PLEKHM3: variants seen among roughly 807,000 people sequenced by gnomAD.
PLEKHM3 encodes the protein pleckstrin homology domain containing M3.
PLEKHM3 carries 45 observed loss-of-function variants against 81.8 expected under a neutral mutation model. The observed-to-expected ratio is 0.55, with a 90% CI of 0.43 to 0.71. The LOEUF (loss-of-function observed/expected upper bound fraction) is 0.71. PLEKHM3 is among the 30% of genes least tolerant of loss of function. PLEKHM3 has a pLI of 0.00. For missense variants in PLEKHM3, 788 were observed against 924.3 expected (o/e 0.85, Z 1.91); for synonymous variants, 352 against 356.4 (o/e 0.99, Z 0.14).
At chr2:207,868,076 A>G (rs1439336574) in intron 6 of PLEKHM3, among the ~76,000 whole-genome samples, 1 of 152,186 alleles carries the variant, frequency 6.6e-6, no homozygotes, top group Non-Finnish European at 1.5e-5. Context: ...GAACTCTGCT[A>G]TGTCAACCCT....
intron 3 of PLEKHM3, among the ~76,000 whole-genome samples, chr2:207,968,355 G>A (rs759918850): frequency 2.0e-5 from 3 of 152,022 alleles, no homozygotes; most frequent in Non-Finnish European, 4.4e-5. Context: ...TAAATTCTGT[G>A]GGAACTAACG....
chr2:207,868,777 CAT>C (rs1456071400), intron 6 of PLEKHM3: 5 of 152,006 alleles, frequency 3.3e-5, no homozygotes, highest in Non-Finnish European at 5.9e-5. Context: ...ATGAAGGCCA[CAT>C]GTCATTTTTT....
intron 2 of PLEKHM3, among the ~76,000 whole-genome samples, chr2:207,994,195 C>T (rs1326988775): frequency 1.3e-5 from 2 of 152,164 alleles, no homozygotes; most frequent in East Asian, 1.9e-4. Context: ...TCCATATAGC[C>T]TATGTATCTA....
chr2:207,836,314 A>ACTCT (rs4024192), intron 7 of PLEKHM3, among the ~76,000 whole-genome samples: 95,163 of 143,258 alleles, frequency 0.66, 32,325 homozygotes, highest in African/African-American at 0.77. Context: ...ACAGAGAGAG[A>ACTCT]GTCTAAAAAA....
intron 5 of PLEKHM3, among the ~76,000 whole-genome samples, chr2:207,926,872 C>T (rs576189595): frequency 1.1e-4 from 17 of 152,336 alleles, no homozygotes; most frequent in Non-Finnish European, 2.4e-4. Context: ...AATAAGGCGA[C>T]GGCCAAAGCT....
intron 6 of PLEKHM3, among the ~76,000 whole-genome samples, chr2:207,893,551 G>C (rs1281922218): frequency 6.6e-6 from 1 of 152,190 alleles, no homozygotes; most frequent in South Asian, 2.1e-4. Context: ...CCAGACATGC[G>C]GGATCCTGGG....
At chr2:207,833,545 G>A (rs889838796) in intron 7 of PLEKHM3, among the ~76,000 whole-genome samples, 3 of 151,904 alleles carry the variant, frequency 2.0e-5, no homozygotes, top group East Asian at 3.9e-4. Flanking sequence ...TCATACCTAG[G>A]GATCTCAACC....
At chr2:207,955,832 G>A (rs147154206) in intron 3 of PLEKHM3, among the ~76,000 whole-genome samples, 1 of 152,328 alleles carries the variant, frequency 6.6e-6, no homozygotes, top group East Asian at 1.9e-4. Flanking sequence ...AATGAATATA[G>A]CCTGGGACAT....
chr2:207,916,469 G>A (rs1283265205), intron 5 of PLEKHM3, among the ~76,000 whole-genome samples: 1 of 152,142 alleles, frequency 6.6e-6, no homozygotes, highest in African/African-American at 2.4e-5. Flanking sequence ...GCCGGGCACG[G>A]TGGCTCACAT....
intron 2 of PLEKHM3, among the ~76,000 whole-genome samples, chr2:207,981,531 G>C (rs561746812): frequency 7.3e-4 from 111 of 152,196 alleles, no homozygotes; most frequent in Non-Finnish European, 1.1e-3. Flanking sequence ...TTTCTTTGTA[G>C]AGAAGGAATC....
chr2:207,964,488 T>C (rs781143798), intron 3 of PLEKHM3, among the ~76,000 whole-genome samples: 1 of 152,046 alleles, frequency 6.6e-6, no homozygotes, highest in Non-Finnish European at 1.5e-5. Flanking sequence ...CAGGATTCCA[T>C]GAGAGTGGAG....
At chr2:207,920,986 C>T (rs1689162637) in intron 5 of PLEKHM3, among the ~76,000 whole-genome samples, 1 of 152,132 alleles carries the variant, frequency 6.6e-6, no homozygotes, top group South Asian at 2.1e-4. Context: ...CCTTCCTTTA[C>T]ACTCTCAGAG....
chr2:207,998,362 A>G (rs917054037), intron 2 of PLEKHM3, among the ~76,000 whole-genome samples: 11 of 152,120 alleles, frequency 7.2e-5, no homozygotes, highest in African/African-American at 2.4e-4. Flanking sequence ...ACAATAAAAA[A>G]TTAGCCAGGC....
At chr2:208,007,988 G>A (rs563117915) in intron 1 of PLEKHM3, among the ~76,000 whole-genome samples, 1 of 152,298 alleles carries the variant, frequency 6.6e-6, no homozygotes, top group East Asian at 1.9e-4. Context: ...GGGAGGCGGA[G>A]CTTGCAGTGA....
intron 7 of PLEKHM3, among the ~76,000 whole-genome samples, chr2:207,838,254 T>A (rs1285939855): frequency 2.0e-5 from 3 of 152,194 alleles, no homozygotes; most frequent in African/African-American, 7.2e-5. Context: ...CATGCCCAGA[T>A]ACCTGCTAAG....
At chr2:208,024,735 A>G (rs917606182) in intron 1 of PLEKHM3, among the ~76,000 whole-genome samples, 2 of 152,242 alleles carry the variant, frequency 1.3e-5, no homozygotes, top group African/African-American at 4.8e-5. Flanking sequence ...AGAGAAATAA[A>G]CTTCTAAATA....
At chr2:207,939,739 G>A (rs1322948545) in intron 4 of PLEKHM3, among the ~76,000 whole-genome samples, 2 of 152,172 alleles carry the variant, frequency 1.3e-5, no homozygotes, top group Non-Finnish European at 2.9e-5. Flanking sequence ...CTTTTCTTTT[G>A]AAATATACCA....
chr2:207,976,943 C>T lies in PLEKHM3; in HGVS notation c.1254G>A (p.Leu418=), dbSNP rs779959218. The change falls in exon 3 of 8, where the codon CTG becomes CTA. Residue 418 remains leucine (L), a synonymous_variant. Coordinates refer to ENST00000427836, the MANE Select transcript of PLEKHM3 (RefSeq NM_001080475.3). The surrounding 1 kb of genome is among the most constrained non-coding windows in gnomAD (Gnocchi z 4.1). ...DVCLAVQMDN[L]DGCDSCFQVI... is the part of the protein sequence containing the mutation. ...CTTGAAAGCAAGAGTCGCAGCCATC[C>T]AGGTTGTCCATCTGGACAGCCAGAC... 6 of 1,614,098 alleles carry T rather than the reference C, an allele frequency of 3.7e-6. No homozygotes were observed. Among genetic ancestry groups the T allele is most frequent in the Admixed American group, 1.7e-5 (1 of 60,014 alleles).
chr2:207,915,461 G>A (rs1318457659), intron 5 of PLEKHM3, among the ~76,000 whole-genome samples: 2 of 152,146 alleles, frequency 1.3e-5, no homozygotes, highest in Non-Finnish European at 2.9e-5. Flanking sequence ...CAGTGCTCAC[G>A]AGAAAAAAGG....
Sources: gnomAD v4.1 joint callset for allele counts (sites outside exome capture counted in the v4.1 genomes callset) on GRCh38, gnomAD v4.1.1 for gene constraint, Gnocchi (gnomAD v3.1) non-coding constraint, MANE v1.5 for transcripts, NCBI Gene and HGNC (gene_info 2026-07-23, HGNC 2026-07-21) for gene names.